KRT79: variants seen among roughly 807,000 people sequenced by gnomAD.
The protein encoded by KRT79 is keratin 79.
In KRT79, 51 loss-of-function variants were observed where a neutral mutation model predicts 49.0. The ratio of observed to expected loss-of-function variants is 1.04; its 90% confidence interval spans 0.83 to 1.31. The LOEUF is 1.31. Among genes scored for constraint, KRT79 ranks in the 40% most tolerant of loss-of-function variants. The pLI is 0.00. For synonymous variants in KRT79, 312 were observed against 286.6 expected (o/e 1.09, Z -0.90); for missense variants, 728 against 688.0 (o/e 1.06, Z -0.65).
At position 52,833,844 on chromosome 12, in the gene KRT79, G is replaced by A. The variant is rs1250066554; in HGVS notation, c.417C>T (p.Arg139=). The A allele has an allele frequency of 6.2e-7, 1 of 1,613,970 alleles. No individual in the cohort carries two copies. The highest frequency in any genetic ancestry group is 2.2e-5 in the East Asian group (1 of 44,842). The part of the protein sequence containing the change: ...VEIDPEIQRV[R]TQEREQIKTL... ...TCTTGATCTGCTCCCGCTCCTGAGT[G>A]CGCACTCGCTGGATCTCGGGGTCAA... Residue 139 remains arginine, a synonymous_variant, in exon 1 of 9, where the codon CGC becomes CGT. Transcript: ENST00000330553.
At position 52,821,943 on chromosome 12, in the gene KRT79, C is replaced by G. The variant is rs1462242420; in HGVS notation, c.1537G>C (p.Gly513Arg). 6.2e-7 allele frequency: 1 copy of G among 1,614,058 alleles called. No homozygotes were observed. Among genetic ancestry groups the G allele is most frequent in the East Asian group, 2.2e-5 (1 of 44,868 alleles). The change falls in exon 9 of 9, where the codon GGG becomes CGG. Residue 513 changes from glycine (G) to arginine (R), a missense_variant. By Grantham distance (125) the Gly-to-Arg change is moderately radical. Coordinates refer to ENST00000330553, the MANE Select transcript of KRT79 (RefSeq NM_175834.3). ...ATGGAGGTGCCCGCAGAGACTGGCC[C>G]TCCCTTGACGGTGCTATAGCCCACA... Reference protein sequence around the residue: ...TNVGYSTVKGGPVSAGTSILR... With the variant: ...TNVGYSTVKGRPVSAGTSILR...
chr12:52,833,909 T>G lies in KRT79; in HGVS notation c.352A>C (p.Thr118Pro). 6.2e-7 allele frequency: 1 copy of G among 1,613,860 alleles called. No individual in the cohort carries two copies. The highest frequency in any genetic ancestry group is 8.5e-7 in the Non-Finnish European group (1 of 1,179,888). Residue 118 changes from threonine (T) to proline (P), a missense_variant, in exon 1 of 9, where the codon ACT (threonine) becomes CCT (proline). Coordinates refer to ENST00000330553, the MANE Select transcript of KRT79 (RefSeq NM_175834.3). ...ACPPGGIQEV[T>P]VNQSLLTPLH... ...GGGGTCAGCAGGCTCTGGTTGACAG[T>G]GACCTCCTGGATCCCCCCAGGAGGA... is the stretch of plus-strand genomic sequence containing the variant.
rs970551584 is a variant in KRT79, at chr12:52,833,696, G to A, written c.477+88C>T. On this transcript the variant is annotated intron_variant, in intron 1 of 8. Coordinates refer to ENST00000330553, the MANE Select transcript of KRT79 (RefSeq NM_175834.3). ...ATCAACCACCACCCTAGTACAAGTG[G>A]GCTACAGCAGCCCTGGCCCAGCCCA... 54 of 1,031,722 alleles carry A rather than the reference G, an allele frequency of 5.2e-5. 1 individual carries two copies. Among genetic ancestry groups the A allele is most frequent in the South Asian group, 4.3e-4 (33 of 76,004 alleles). 63.9% of individuals were successfully genotyped at this position (1,031,722 alleles called of 1,614,324 possible). A position where few individuals can be genotyped will look rare whatever the true frequency, so the allele number is the denominator to read the frequency against.
At chr12:52,825,959 T>G (rs1940169358) in intron 4 of KRT79, among the ~76,000 whole-genome samples, 2 of 152,130 alleles carry the variant, frequency 1.3e-5, no homozygotes, top group South Asian at 4.1e-4. Context: ...CATTCTTACT[T>G]TCCCAGACTT....
rs1322131910 is a variant in KRT79, at chr12:52,834,266, C to T, written c.-6G>A. On this transcript the variant is annotated 5_prime_UTR_variant, in exon 1 of 9. Coordinates refer to ENST00000330553, the MANE Select transcript of KRT79 (RefSeq NM_175834.3). ...CGAGAGACGGAGGACCTCATAGCTG[C>T]AGAGGGGCCGGAGGGCAGGATGAGA... The T allele has an allele frequency of 8.7e-6, 14 of 1,609,482 alleles. No individual in the cohort carries two copies. The highest frequency in any genetic ancestry group is 1.3e-5 in the African/African-American group (1 of 74,864).
rs952937305 is a variant in KRT79 at position 52,830,104 on chromosome 12, T to C, written c.774A>G (p.Ala258=). 3 of 1,614,140 alleles carry C rather than the reference T, an allele frequency of 1.9e-6. No individual in the cohort carries two copies. ...FVVLKKDVDA[A]YMGRMDLHGK... ...CATGCAGATCCATCCGGCCCATGTA[T>C]GCTGCATCCACATCCTGGGGACGAG... Residue 258 remains alanine, a synonymous_variant, in exon 4 of 9, where the codon GCA becomes GCG. Coordinates refer to ENST00000330553, the MANE Select transcript of KRT79 (RefSeq NM_175834.3).
At position 52,821,948 on chromosome 12, in the gene KRT79, T is replaced by C; in HGVS notation, c.1532A>G (p.Lys511Arg). 1 of 1,614,164 alleles carries C rather than the reference T, an allele frequency of 6.2e-7. No homozygotes were observed. Among genetic ancestry groups the C allele is most frequent in the Non-Finnish European group, 8.5e-7 (1 of 1,180,020 alleles). Residue 511 changes from lysine to arginine, a missense_variant, in exon 9 of 9, where the codon AAG becomes AGG. Coordinates refer to ENST00000330553, the MANE Select transcript of KRT79 (RefSeq NM_175834.3). ...GGTGCCCGCAGAGACTGGCCCTCCCTTGACGGTGCTATAGCCCACATTTGT... is the reference window on the plus strand; with the variant it reads ...GGTGCCCGCAGAGACTGGCCCTCCCCTGACGGTGCTATAGCCCACATTTGT... ...FSTNVGYSTV[K>R]GGPVSAGTSI...
At chr12:52,825,991 C>T (rs1369036062) in intron 4 of KRT79, among the ~76,000 whole-genome samples, 3 of 151,994 alleles carry the variant, frequency 2.0e-5, no homozygotes, top group Non-Finnish European at 4.4e-5. Flanking sequence ...ACTGGAGGTG[C>T]CCATAAGGTC....
chr12:52,826,134 C>T (rs149819894), intron 4 of KRT79, among the ~76,000 whole-genome samples: 6 of 151,964 alleles, frequency 3.9e-5, no homozygotes, highest in Non-Finnish European at 8.8e-5. Flanking sequence ...CATGTCAGAG[C>T]ATAGTCCTCA....
At chr12:52,828,985 A>G (rs1940212211) in intron 4 of KRT79, among the ~76,000 whole-genome samples, 1 of 152,250 alleles carries the variant, frequency 6.6e-6, no homozygotes, top group African/African-American at 2.4e-5. Context: ...AGGAGATTCA[A>G]GTCAGTGCTC....
Position 52,834,231 on chromosome 12 carries a change from G to C in KRT79, c.30C>G (p.Tyr10Ter), listed in dbSNP as rs1429663067. ...TGGAGCTGAAGCCCCCTTTTGTGGA[G>C]TATGTTTGCCGAGAGACGGAGGACC... Reference protein sequence around the residue: MRSSVSRQTYSTKGGFSSNS... With the variant: MRSSVSRQT The change falls in exon 1 of 9, where the codon TAC (tyrosine) becomes TAG (stop). Residue 10 changes from tyrosine to a stop codon, truncating the protein, a stop_gained. Coordinates refer to ENST00000330553, the MANE Select transcript of KRT79 (RefSeq NM_175834.3). LOFTEE classifies it high-confidence loss of function. 6.2e-7 allele frequency: 1 copy of C among 1,613,682 alleles called. No homozygotes were observed. The highest frequency in any genetic ancestry group is 1.7e-5 in the Admixed American group (1 of 60,028).
At chr12:52,828,240 A>T (rs946921533) in intron 4 of KRT79, among the ~76,000 whole-genome samples, 2 of 152,218 alleles carry the variant, frequency 1.3e-5, no homozygotes, top group African/African-American at 4.8e-5. Context: ...CTTCCATAGC[A>T]TTCTTGAAAG....
rs763065674 is a variant in KRT79 at position 52,823,015 on chromosome 12, C to T, written c.1367+1G>A. 3 of 1,613,770 alleles carry T rather than the reference C, an allele frequency of 1.9e-6. No homozygotes were observed. Among genetic ancestry groups the T allele is most frequent in the East Asian group, 2.2e-5 (1 of 44,870 alleles). On this transcript the variant is annotated splice_donor_variant, in intron 7 of 8. Transcript: ENST00000330553. LOFTEE classifies it high-confidence loss of function. ...CTGGGTCGGGCAGGAGGGGCCACCA[C>T]CTGCTCTCCTCGCTCTCCAGAAGCT...
chr12:52,822,369 C>T lies in KRT79; in HGVS notation c.1378G>A (p.Glu460Lys), dbSNP rs1454441745. The T allele has an allele frequency of 6.3e-7, 1 of 1,599,730 alleles. No individual in the cohort carries two copies. Residue 460 changes from glutamate to lysine, a missense_variant, in exon 8 of 9, where the codon GAA becomes AAA. Physicochemically the swap from Glu to Lys is moderately conservative, Grantham distance 56. Transcript: ENST00000330553. Reference protein sequence around the residue: ...LESEESRMSGECPSAVSISVT... With the variant: ...LESEESRMSGKCPSAVSISVT... ...CAAATGCTGACTGCACTGGGACATT[C>T]TCCAGACATCCTAGGGGACACAGAA...
intron 4 of KRT79, among the ~76,000 whole-genome samples, chr12:52,824,649 G>C (rs112595993): frequency 6.6e-6 from 1 of 152,194 alleles, no homozygotes; most frequent in Non-Finnish European, 1.5e-5. Context: ...ACTGGTGCCC[G>C]GCACTGTGCT....
intron 5 of KRT79, 78 bp downstream of exon 5, chr12:52,824,120 C>T: frequency 1.9e-6 from 3 of 1,611,032 alleles, no homozygotes; most frequent in Non-Finnish European, 2.5e-6. Context: ...CTCCAAGGGT[C>T]CCAGAGGCCC....
At chr12:52,827,953 C>A (rs1023115511) in intron 4 of KRT79, among the ~76,000 whole-genome samples, 1 of 152,120 alleles carries the variant, frequency 6.6e-6, no homozygotes, top group Non-Finnish European at 1.5e-5. Flanking sequence ...AGGGAAGGAA[C>A]GCCCTGGTCA....
At chr12:52,824,484 C>T (rs1940150074) in intron 4 of KRT79, 122 bp from the exon 5 acceptor site, 1 of 966,334 alleles carries the variant, frequency 1.0e-6, no homozygotes, top group Non-Finnish European at 1.5e-6. Context: ...CAGGCTCCAG[C>T]CTAGAGCAAA....
chr12:52,829,137 T>C (rs1468252355), intron 4 of KRT79, among the ~76,000 whole-genome samples: 2 of 152,204 alleles, frequency 1.3e-5, no homozygotes, highest in African/African-American at 4.8e-5. Context: ...GATGGAAGGT[T>C]GGTCTTGAGG....
Sources: gnomAD v4.1 joint callset for allele counts (sites outside exome capture counted in the v4.1 genomes callset) on GRCh38, gnomAD v4.1.1 for gene constraint, MANE v1.5 for transcripts, NCBI Gene and HGNC (gene_info 2026-07-23, HGNC 2026-07-21) for gene names.